The following BPTF variants were observed in gnomAD, a reference collection of about 807,000 sequenced individuals.
BPTF encodes the protein nucleosome-remodeling factor subunit BPTF.
Under a neutral mutation model 292.5 loss-of-function variants are expected in BPTF, and 18 were observed. The observed-to-expected ratio is 0.06, with a 90% confidence interval of 0.04 to 0.09. The LOEUF (loss-of-function observed/expected upper bound fraction) is 0.09, where lower values mean the gene tolerates loss of function less well. Among genes scored for constraint, BPTF ranks in the 10% least tolerant of loss-of-function variants. The pLI is 1.00. For synonymous variants in BPTF, 1,225 were observed against 1,251.9 expected (o/e 0.98, Z 0.45); for missense variants, 2,726 against 3,498.7 (o/e 0.78, Z 5.57).
intron 15 of BPTF, among the ~76,000 whole-genome samples, chr17:67,925,029 G>T (rs1341944482): frequency 6.8e-6 from 1 of 147,014 alleles, no homozygotes; most frequent in East Asian, 2.0e-4. Context: ...GATTTTGGGT[G>T]TGAGCCATTG....
At chr17:67,849,489 T>G (rs554061041) in intron 1 of BPTF, among the ~76,000 whole-genome samples, 11 of 152,332 alleles carry the variant, frequency 7.2e-5, no homozygotes, top group African/African-American at 2.6e-4. Context: ...TGACATTCAA[T>G]GAATAGCAAG....
At chr17:67,968,703 A>G (rs903844350) in intron 26 of BPTF, among the ~76,000 whole-genome samples, 7 of 150,848 alleles carry the variant, frequency 4.6e-5, no homozygotes, top group African/African-American at 1.7e-4. Context: ...CAGGAGAATG[A>G]CGTGAACCCG....
intron 1 of BPTF, among the ~76,000 whole-genome samples, chr17:67,829,974 C>G (rs9915591): frequency 0.31 from 46,544 of 152,002 alleles, 8,481 homozygotes; most frequent in East Asian, 0.66. Context: ...TGTAAGGATG[C>G]CAACTTTTTA....
chr17:67,901,530 A>C (rs1053983758), intron 7 of BPTF, among the ~76,000 whole-genome samples: 18 of 152,216 alleles, frequency 1.2e-4, no homozygotes, highest in African/African-American at 3.9e-4. Context: ...TTTTACCACA[A>C]ATGGAAAATT....
chr17:67,881,362 C>T (rs868139528), intron 4 of BPTF, among the ~76,000 whole-genome samples: 1 of 152,022 alleles, frequency 6.6e-6, no homozygotes, highest in Non-Finnish European at 1.5e-5. Flanking sequence ...TATTGTATCC[C>T]ATCAAAAGGC....
intron 4 of BPTF, 68 bp from the exon 5 acceptor site, chr17:67,891,776 G>C (rs2061131754): frequency 2.4e-6 from 3 of 1,260,734 alleles, no homozygotes; most frequent in African/African-American, 3.1e-5. Flanking sequence ...ACGAGTTTTG[G>C]TGAAATAAGG....
chr17:67,852,568 CAT>C (rs2058474632), intron 1 of BPTF, among the ~76,000 whole-genome samples: 1 of 152,138 alleles, frequency 6.6e-6, no homozygotes. Flanking sequence ...CATTTTAACA[CAT>C]AGGAATTTTA....
chr17:67,980,359 C>T (rs1171452510), intron 27 of BPTF, among the ~76,000 whole-genome samples: 2 of 152,116 alleles, frequency 1.3e-5, no homozygotes, highest in African/African-American at 4.8e-5. Flanking sequence ...AAAAATACAT[C>T]TACCCAGAGA....
At chr17:67,970,967 T>C (rs1002069163) in intron 26 of BPTF, among the ~76,000 whole-genome samples, 8 of 152,328 alleles carry the variant, frequency 5.3e-5, no homozygotes, top group Admixed American at 2.0e-4. Context: ...GGCTTTGCTG[T>C]TGTTGTTCTG....
chr17:67,946,097 G>C lies in BPTF; in HGVS notation c.7389G>C (p.Val2463=). 3 of 1,614,134 alleles carry C rather than the reference G, an allele frequency of 1.9e-6. No individual in the cohort carries two copies. In the South Asian group the frequency reaches 3.3e-5, roughly 18 times the overall value. Residue 2463 remains valine (V), a synonymous_variant, in exon 21 of 28, where the codon GTG becomes GTC. Coordinates refer to ENST00000306378, the MANE Select transcript of BPTF (RefSeq NM_182641.4). The part of the protein sequence containing the change: ...VAQIQAQQSG[V]PQQIKLQLPI... ...AGATACAGGCTCAGCAAAGTGGTGT[G>C]CCCCAGCAAATCAAACTCCAGTTAC...
In BPTF at chr17:67,922,719, C is replaced by T. The variant is rs143817835; in HGVS notation, c.5558-121C>T. On this transcript the variant is annotated intron_variant, in intron 13 of 27. Coordinates refer to ENST00000306378, the MANE Select transcript of BPTF (RefSeq NM_182641.4). ...ATACAAAGGCACAGCTGAGTAGCTG[C>T]AGCAGAGACCATCTGGCTATTTAAG... 6.9e-5 allele frequency: 73 copies of T among 1,060,238 alleles called. No individual in the cohort carries two copies. In the African/African-American group the frequency reaches 1.0e-3, roughly 15 times the overall value. The allele number at this position is 1,060,238 out of a possible 1,614,324, so 65.7% of individuals were successfully genotyped here.
intron 1 of BPTF, among the ~76,000 whole-genome samples, chr17:67,847,012 TTTG>T (rs770159739): frequency 5.9e-5 from 9 of 151,666 alleles, no homozygotes; most frequent in Non-Finnish European, 8.8e-5. Flanking sequence ...GACTTGTGGG[TTTG>T]TTGTTGTTTT....
At chr17:67,857,122 T>A (rs1261757765) in intron 2 of BPTF, among the ~76,000 whole-genome samples, 2 of 151,998 alleles carry the variant, frequency 1.3e-5, no homozygotes, top group African/African-American at 4.8e-5. Flanking sequence ...CTCCCCTACT[T>A]TATCCTTATG....
At chr17:67,902,442 G>A (rs1420068014) in intron 7 of BPTF, among the ~76,000 whole-genome samples, 1 of 152,160 alleles carries the variant, frequency 6.6e-6, no homozygotes, top group African/African-American at 2.4e-5. Flanking sequence ...ACCGTATTGT[G>A]CCTACAGAGC....
intron 18 of BPTF, among the ~76,000 whole-genome samples, chr17:67,932,529 T>C (rs1260298285): frequency 2.0e-5 from 3 of 152,152 alleles, no homozygotes; most frequent in Non-Finnish European, 4.4e-5. Context: ...AAATGCCATC[T>C]CTACTAAAAA....
intron 2 of BPTF, among the ~76,000 whole-genome samples, chr17:67,864,804 TA>T (rs1362286211): frequency 1.3e-5 from 2 of 152,048 alleles, no homozygotes; most frequent in African/African-American, 2.4e-5. Context: ...CTTATTTATT[TA>T]TTTTTTTGTT....
Position 67,854,771 on chromosome 17 carries a change from A to G in BPTF, c.1436+9A>G, listed in dbSNP as rs759157712. 6.9e-5 allele frequency: 110 copies of G among 1,591,772 alleles called. No homozygotes were observed. Among genetic ancestry groups the G allele is most frequent in the Non-Finnish European group, 2.3e-5 (27 of 1,164,928 alleles). ...AACCGAAGACTCATAATGTAAGTAA[A>G]TCTGGTCTTAATTTTTTGTATGCAT... is the stretch of plus-strand genomic sequence containing the variant. On this transcript the variant is annotated intron_variant, in intron 2 of 27. Coordinates refer to ENST00000306378, the MANE Select transcript of BPTF (RefSeq NM_182641.4). This position sits in a 1 kb window ranked among gnomAD's most constrained non-coding sequence, Gnocchi z 5.6.
In BPTF at chr17:67,955,072, G is replaced by A. The variant is rs1390699642; in HGVS notation, c.7927-4469G>A. On this transcript the variant is annotated intron_variant, in intron 23 of 27. Transcript: ENST00000306378. ...TGGGAGGCCGAGGCGGGCGGATCAC[G>A]AGGTCAGGAGATTGAGACTATCCTG... is the stretch of plus-strand genomic sequence containing the variant. Among the ~76,000 whole-genome samples the A allele has an allele frequency of 4.6e-5, 7 of 150,784 alleles. No individual in the cohort carries two copies. In the East Asian group the frequency reaches 1.2e-3, roughly 26 times the overall value.
rs557573231 is a variant in BPTF at position 67,922,789 on chromosome 17, T to G, written c.5558-51T>G. On this transcript the variant is annotated intron_variant, in intron 13 of 27. Transcript: ENST00000306378. ...TCATGATAGAAGATGCCAGAAGTAC[T>G]TTAATTTTAGAAGCAATATTGCTTA... The G allele has an allele frequency of 9.0e-6, 14 of 1,552,478 alleles. No individual in the cohort carries two copies. The Admixed American group carries it at 3.0e-4, about 34-fold the overall frequency.
Sources: gnomAD v4.1 joint callset for allele counts (sites outside exome capture counted in the v4.1 genomes callset) on GRCh38, gnomAD v4.1.1 for gene constraint, Gnocchi (gnomAD v3.1) non-coding constraint, MANE v1.5 for transcripts, NCBI Gene and HGNC (gene_info 2026-07-23, HGNC 2026-07-21) for gene names.